The following NPAS3 variants were observed in gnomAD, a reference collection of about 807,000 sequenced individuals.
The protein encoded by NPAS3 is neuronal PAS domain protein 3, also known as neuronal PAS domain-containing protein 3.
Under a neutral mutation model 73.1 loss-of-function variants are expected in NPAS3, and 14 were observed. The ratio of observed to expected loss-of-function variants is 0.19; its 90% CI spans 0.13 to 0.30. The LOEUF is 0.30. NPAS3 is among the 10% of genes least tolerant of loss of function. The pLI is 1.00. For synonymous variants in NPAS3, 620 were observed against 541.5 expected, an observed-to-expected ratio of 1.14 and a Z score of -2.01; for missense variants, 1,096 against 1,250.0, an observed-to-expected ratio of 0.88 and a Z score of 1.86.
chr14:33,089,078 A>G (rs2042132888), intron 2 of NPAS3, among the ~76,000 whole-genome samples: 1 of 151,734 alleles, frequency 6.6e-6, no homozygotes, highest in South Asian at 2.1e-4. Flanking sequence ...TGAAAATTCT[A>G]AAAATCAGAG....
At chr14:32,992,465 C>T (rs908350561) in intron 1 of NPAS3, among the ~76,000 whole-genome samples, 1 of 152,034 alleles carries the variant, frequency 6.6e-6, no homozygotes, top group Non-Finnish European at 1.5e-5. Context: ...GTGTCTAGAC[C>T]TGAGGTAGTG....
chr14:33,692,429 C>G (rs1337710383), intron 6 of NPAS3, among the ~76,000 whole-genome samples: 3 of 152,042 alleles, frequency 2.0e-5, no homozygotes, highest in Non-Finnish European at 2.9e-5. Context: ...TTTTTTCTGT[C>G]TGCAACTTTA....
rs1188570793 is a variant in NPAS3 at position 33,012,237 on chromosome 14, T to G, written c.51-43668T>G. Among the ~76,000 whole-genome samples, 5 of 152,322 alleles carry G rather than the reference T, an allele frequency of 3.3e-5. No homozygotes were observed. In the East Asian group the frequency reaches 9.7e-4, roughly 29 times the overall value. On this transcript the variant is annotated intron_variant, in intron 1 of 11. Transcript: ENST00000356141. Reference sequence around the variant, plus strand: ...CACACTTGTTACAGGTTTTAACTTTTTTTCTCTTCTCAAGTGGTAGGGGTG... The same window carrying G: ...CACACTTGTTACAGGTTTTAACTTTGTTTCTCTTCTCAAGTGGTAGGGGTG...
At chr14:33,733,392 C>G (rs1006918452) in intron 6 of NPAS3, among the ~76,000 whole-genome samples, 1 of 151,474 alleles carries the variant, frequency 6.6e-6, no homozygotes, top group Non-Finnish European at 1.5e-5. Flanking sequence ...GGTCTCTGAT[C>G]TTGTGTTTTA....
At chr14:33,090,305 C>A (rs1007086822) in intron 2 of NPAS3, among the ~76,000 whole-genome samples, 1 of 152,090 alleles carries the variant, frequency 6.6e-6, no homozygotes, top group Non-Finnish European at 1.5e-5. Context: ...GGAGGAAGAT[C>A]TACCAAGCAA....
At chr14:33,500,179 T>C (rs2052442465) in intron 4 of NPAS3, among the ~76,000 whole-genome samples, 1 of 151,832 alleles carries the variant, frequency 6.6e-6, no homozygotes, top group African/African-American at 2.4e-5. Context: ...CCACAGAGTC[T>C]CTGTTGGGAT....
intron 4 of NPAS3, among the ~76,000 whole-genome samples, chr14:33,377,100 A>T (rs2046344680): frequency 6.6e-6 from 1 of 152,202 alleles, no homozygotes; most frequent in African/African-American, 2.4e-5. Flanking sequence ...GCTTACATTG[A>T]TGTATCCATT....
chr14:33,699,698 A>T (rs1220952057), intron 6 of NPAS3, among the ~76,000 whole-genome samples: 2 of 152,224 alleles, frequency 1.3e-5, no homozygotes, highest in Non-Finnish European at 2.9e-5. Context: ...TTATGAAGTC[A>T]GCAGAACAGG....
At chr14:33,160,997 A>C (rs1471534146) in intron 2 of NPAS3, among the ~76,000 whole-genome samples, 1 of 152,212 alleles carries the variant, frequency 6.6e-6, no homozygotes, top group African/African-American at 2.4e-5. Flanking sequence ...AGTTGAGTTA[A>C]ATGTAAGTAT....
intron 1 of NPAS3, among the ~76,000 whole-genome samples, chr14:32,957,036 T>C (rs1266445377): frequency 6.6e-6 from 1 of 152,194 alleles, no homozygotes; most frequent in African/African-American, 2.4e-5. Context: ...CTTAGCATGA[T>C]GATGATTTTA....
rs1374237238 is a variant in NPAS3, at chr14:33,234,641, C to A, written c.385+19215C>A. Among the ~76,000 whole-genome samples, 3 of 152,098 alleles carry A rather than the reference C, an allele frequency of 2.0e-5. No individual in the cohort carries two copies. The South Asian group carries it at 6.2e-4, about 31-fold the overall frequency. On this transcript the variant is annotated intron_variant, in intron 3 of 11. Transcript: ENST00000356141. ...GCTGTGTGGTGGCTAGACCAGAGCA[C>A]ATTTTGCACGAATGCCATCCTTTGT...
At chr14:33,672,797 G>A (rs1245170140) in intron 5 of NPAS3, among the ~76,000 whole-genome samples, 1 of 152,156 alleles carries the variant, frequency 6.6e-6, no homozygotes, top group Non-Finnish European at 1.5e-5. Context: ...CCACTAAACA[G>A]CTGGGTAAAC....
intron 3 of NPAS3, among the ~76,000 whole-genome samples, chr14:33,291,932 A>G (rs575723138): frequency 6.6e-6 from 1 of 152,256 alleles, no homozygotes; most frequent in Non-Finnish European, 1.5e-5. Flanking sequence ...TGTTCTCACC[A>G]CTCATGAGGC....
chr14:33,210,568 T>G (rs1004560583), intron 2 of NPAS3, among the ~76,000 whole-genome samples: 7 of 152,124 alleles, frequency 4.6e-5, no homozygotes, highest in Admixed American at 2.0e-4. Context: ...GTTTGTGATC[T>G]TTTGAAAGAT....
chr14:33,586,867 G>A (rs988488088), intron 5 of NPAS3, among the ~76,000 whole-genome samples: 4 of 152,160 alleles, frequency 2.6e-5, no homozygotes, highest in Non-Finnish European at 5.9e-5. Context: ...TGCAACTCGA[G>A]AAATGCTACA....
At chr14:32,965,120 T>C (rs1192253051) in intron 1 of NPAS3, among the ~76,000 whole-genome samples, 1 of 152,228 alleles carries the variant, frequency 6.6e-6, no homozygotes, top group Non-Finnish European at 1.5e-5. Flanking sequence ...GATTCACTGC[T>C]GAATTCTACC....
At chr14:33,688,868 C>T (rs796744534) in intron 6 of NPAS3, among the ~76,000 whole-genome samples, 11 of 152,290 alleles carry the variant, frequency 7.2e-5, no homozygotes, top group East Asian at 3.9e-4. Flanking sequence ...GATATGATTA[C>T]GGCTGCCCAG....
In NPAS3 at chr14:33,681,423, C is replaced by A. The variant is rs908698428; in HGVS notation, c.733+5038C>A. 1.6e-4 allele frequency among the ~76,000 whole-genome samples: 25 copies of A among 152,186 alleles called. 1 individual carries two copies. The highest frequency in any genetic ancestry group is 1.6e-3 in the Admixed American group (24 of 15,286). On this transcript the variant is annotated intron_variant, in intron 6 of 11. Coordinates refer to ENST00000356141, the Ensembl canonical transcript of NPAS3. ...AGACAATGTGACTGTATCTACAGCACTTTCTGCTGTACTGCAAATGTCAAA... is the reference window on the plus strand; with the variant it reads ...AGACAATGTGACTGTATCTACAGCAATTTCTGCTGTACTGCAAATGTCAAA...
intron 3 of NPAS3, among the ~76,000 whole-genome samples, chr14:33,358,231 G>C (rs921564239): frequency 6.6e-6 from 1 of 152,112 alleles, no homozygotes; most frequent in African/African-American, 2.4e-5. Context: ...TCTAAGCAGT[G>C]GTGTTGAGGT....
Sources: allele counts gnomAD v4.1 joint callset (sites outside exome capture counted in the v4.1 genomes callset), GRCh38; gene constraint gnomAD v4.1.1; transcripts MANE v1.5; gene names NCBI Gene and HGNC (gene_info 2026-07-23, HGNC 2026-07-21).